Variants in ZNF385B observed in about 807,000 individuals in gnomAD.
ZNF385B encodes the protein zinc finger protein 385B, also known as zinc finger protein 533.
In ZNF385B, 23 loss-of-function variants were observed where a neutral mutation model predicts 39.2. That is an observed-to-expected ratio of 0.59 (90% confidence interval 0.42 to 0.83). ZNF385B has a LOEUF of 0.83. ZNF385B is among the 40% of genes least tolerant of loss of function. The pLI is 0.00. For missense variants in ZNF385B, 552 were observed against 598.9 expected (o/e 0.92, Z 0.82); for synonymous variants, 205 against 222.6 (o/e 0.92, Z 0.70).
chr2:179,773,704 T>G (rs1704142228), intron 1 of ZNF385B, among the ~76,000 whole-genome samples: 1 of 152,220 alleles, frequency 6.6e-6, no homozygotes. Context: ...GAGAAAACAG[T>G]GAACACGGTC....
chr2:179,568,412 T>C (rs1684838720), intron 3 of ZNF385B, among the ~76,000 whole-genome samples: 1 of 152,248 alleles, frequency 6.6e-6, no homozygotes, highest in African/African-American at 2.4e-5. Flanking sequence ...TCCCAGTTTC[T>C]AGAGCAGGGC....
chr2:179,510,324 A>C (rs1197547580), intron 5 of ZNF385B, among the ~76,000 whole-genome samples: 1 of 152,108 alleles, frequency 6.6e-6, no homozygotes, highest in Non-Finnish European at 1.5e-5. Flanking sequence ...CTTTCAAGAG[A>C]AACACAGTAG....
chr2:179,688,515 AAC>A (rs869254522), intron 3 of ZNF385B, among the ~76,000 whole-genome samples: 1 of 151,638 alleles, frequency 6.6e-6, no homozygotes, highest in African/African-American at 2.4e-5. Flanking sequence ...CAACAACAAC[AAC>A]AAAAACAGAA....
intron 3 of ZNF385B, among the ~76,000 whole-genome samples, chr2:179,652,170 C>T (rs994940754): frequency 1.3e-5 from 2 of 152,208 alleles, no homozygotes; most frequent in African/African-American, 2.4e-5. Context: ...CCATAGCTAC[C>T]GTTAAGATAC....
intron 3 of ZNF385B, among the ~76,000 whole-genome samples, chr2:179,757,080 C>T (rs1703076180): frequency 6.6e-6 from 1 of 151,996 alleles, no homozygotes; most frequent in African/African-American, 2.4e-5. Flanking sequence ...TGTTTTATCC[C>T]CATCTTTGTG....
In ZNF385B at chr2:179,511,718, T is replaced by C. The variant is rs185004699; in HGVS notation, c.552+6810A>G. Among the ~76,000 whole-genome samples, 20 of 152,270 alleles carry C rather than the reference T, an allele frequency of 1.3e-4. No homozygotes were observed. The East Asian group carries it at 3.1e-3, about 24-fold the overall frequency. On this transcript the variant is annotated intron_variant, in intron 5 of 9. Coordinates refer to ENST00000410066, the MANE Select transcript of ZNF385B (RefSeq NM_152520.6). Reference sequence around the variant, plus strand: ...CCATTTTAACTTCTAAGCAAACCCTTAATATTCTGTCTATTTGTACTTAAT... The same window carrying C: ...CCATTTTAACTTCTAAGCAAACCCTCAATATTCTGTCTATTTGTACTTAAT...
intron 3 of ZNF385B, among the ~76,000 whole-genome samples, chr2:179,636,178 G>C (rs1691733882): frequency 6.6e-6 from 1 of 152,136 alleles, no homozygotes; most frequent in Non-Finnish European, 1.5e-5. Flanking sequence ...AATAGCTTCT[G>C]GTTCTGTACA....
chr2:179,755,166 T>C (rs922339135), intron 3 of ZNF385B, among the ~76,000 whole-genome samples: 1 of 152,258 alleles, frequency 6.6e-6, no homozygotes, highest in African/African-American at 2.4e-5. Context: ...AACATCTTTA[T>C]TTCTGCCTTC....
At chr2:179,765,812 C>T (rs548156525) in intron 3 of ZNF385B, among the ~76,000 whole-genome samples, 86 of 152,086 alleles carry the variant, frequency 5.7e-4, no homozygotes, top group Non-Finnish European at 9.6e-4. Flanking sequence ...GACCCATCTG[C>T]GGTTTCTGTT....
chr2:179,806,641 A>G (rs1706368383), intron 1 of ZNF385B, among the ~76,000 whole-genome samples: 1 of 152,226 alleles, frequency 6.6e-6, no homozygotes, highest in African/African-American at 2.4e-5. Context: ...CACTTGTAAG[A>G]CATTCTCACA....
At chr2:179,537,635 G>A (rs1574671986) in intron 4 of ZNF385B, among the ~76,000 whole-genome samples, 2 of 152,044 alleles carry the variant, frequency 1.3e-5, no homozygotes, top group East Asian at 1.9e-4. Context: ...CAGCTACCTG[G>A]GAGGCTGACG....
At chr2:179,663,713 C>CAAAA (rs71401756) in intron 3 of ZNF385B, among the ~76,000 whole-genome samples, 3,612 of 67,710 alleles carry the variant, frequency 0.053, 229 homozygotes, top group Non-Finnish European at 0.065. Flanking sequence ...GACTCCGTCT[C>CAAAA]AAAAAAAAAA....
At chr2:179,590,149 T>C (rs1558952307) in intron 3 of ZNF385B, among the ~76,000 whole-genome samples, 2 of 152,186 alleles carry the variant, frequency 1.3e-5, no homozygotes. Context: ...CCTCAGTGGG[T>C]TGTGCTCATC....
intron 6 of ZNF385B, among the ~76,000 whole-genome samples, chr2:179,457,584 G>A (rs534683102): frequency 5.6e-4 from 86 of 152,236 alleles, no homozygotes; most frequent in Non-Finnish European, 9.7e-4. Context: ...TCTAGTGGAG[G>A]TGTGGTGGTA....
At chr2:179,696,373 A>T (rs1181135086) in intron 3 of ZNF385B, among the ~76,000 whole-genome samples, 3 of 77,778 alleles carry the variant, frequency 3.9e-5, no homozygotes, top group African/African-American at 1.5e-4. Flanking sequence ...ATTTGGATGC[A>T]TTTTGACTCA....
chr2:179,468,772 T>C (rs1276063226), intron 6 of ZNF385B, among the ~76,000 whole-genome samples: 1 of 152,126 alleles, frequency 6.6e-6, no homozygotes, highest in Non-Finnish European at 1.5e-5. Flanking sequence ...ACTGAGTCTT[T>C]CTTCATCTAG....
chr2:179,597,244 C>A (rs1688073341), intron 3 of ZNF385B, among the ~76,000 whole-genome samples: 1 of 152,174 alleles, frequency 6.6e-6, no homozygotes, highest in South Asian at 2.1e-4. Flanking sequence ...TAATTTATAT[C>A]TTCAGAAAAG....
intron 3 of ZNF385B, among the ~76,000 whole-genome samples, chr2:179,746,887 T>C (rs1702414085): frequency 6.6e-6 from 1 of 152,100 alleles, no homozygotes; most frequent in South Asian, 2.1e-4. Flanking sequence ...ATTTGACATG[T>C]GCATGCAAAC....
At chr2:179,775,579 G>T (rs528699040) in intron 1 of ZNF385B, among the ~76,000 whole-genome samples, 1 of 152,312 alleles carries the variant, frequency 6.6e-6, no homozygotes, top group South Asian at 2.1e-4. Context: ...CTGGTCTAGT[G>T]TGAATCCCAA....
Sources: gnomAD v4.1 joint callset for allele counts (sites outside exome capture counted in the v4.1 genomes callset) on GRCh38, gnomAD v4.1.1 for gene constraint, MANE v1.5 for transcripts, NCBI Gene and HGNC (gene_info 2026-07-23, HGNC 2026-07-21) for gene names.